The following TBC1D22A variants were observed in gnomAD, a reference collection of about 807,000 sequenced individuals.
The protein encoded by TBC1D22A is putative GTPase activator.
A neutral mutation model predicts 60.2 loss-of-function variants in TBC1D22A; 38 were observed. The ratio of observed to expected loss-of-function variants is 0.63; its 90% CI spans 0.49 to 0.83. TBC1D22A has a LOEUF of 0.83. Ranked by LOEUF, TBC1D22A falls within the 40% of genes least tolerant of loss-of-function variation. TBC1D22A has a pLI of 0.00. For synonymous variants in TBC1D22A, 302 were observed against 281.7 expected, an observed-to-expected ratio of 1.07 and a Z score of -0.72; for missense variants, 628 against 701.0, an observed-to-expected ratio of 0.90 and a Z score of 1.18.
At chr22:46,895,442 C>T (rs975432298) in intron 7 of TBC1D22A, among the ~76,000 whole-genome samples, 2 of 151,970 alleles carry the variant, frequency 1.3e-5, no homozygotes, top group African/African-American at 2.4e-5. Flanking sequence ...GGTATGATCT[C>T]GGCTCACTGC....
At chr22:47,062,087 C>CAAAAAAAAAAAAAAAAA (rs908701365) in intron 11 of TBC1D22A, among the ~76,000 whole-genome samples, 2 of 63,006 alleles carry the variant, frequency 3.2e-5, no homozygotes, top group African/African-American at 1.4e-4. Flanking sequence ...GACTCCATCT[C>CAAAAAAAAAAAAAAAAA]AAAAAAAAAA....
intron 12 of TBC1D22A, among the ~76,000 whole-genome samples, chr22:47,124,085 C>A (rs902704791): frequency 6.6e-6 from 1 of 152,132 alleles, no homozygotes; most frequent in Non-Finnish European, 1.5e-5. Flanking sequence ...TAGGCCTCCC[C>A]GAAGAGGGGT....
At chr22:46,872,907 C>T (rs1020101728) in intron 4 of TBC1D22A, among the ~76,000 whole-genome samples, 20 of 152,108 alleles carry the variant, frequency 1.3e-4, no homozygotes, top group African/African-American at 4.8e-4. Flanking sequence ...CAGTGGGAAT[C>T]GAGTGTTGGA....
At chr22:46,819,218 C>T (rs2085725751) in intron 4 of TBC1D22A, among the ~76,000 whole-genome samples, 1 of 152,134 alleles carries the variant, frequency 6.6e-6, no homozygotes, top group Admixed American at 6.6e-5. Flanking sequence ...TTTGAATACC[C>T]TTTATTTCTT....
chr22:47,036,611 C>G (rs1283826915), intron 10 of TBC1D22A, among the ~76,000 whole-genome samples: 2 of 152,226 alleles, frequency 1.3e-5, no homozygotes, highest in East Asian at 3.9e-4. Context: ...ACGGTTGGGT[C>G]CAGGCATAGG....
intron 10 of TBC1D22A, among the ~76,000 whole-genome samples, chr22:47,035,803 G>A (rs1380669907): frequency 1.3e-5 from 2 of 152,138 alleles, no homozygotes; most frequent in African/African-American, 4.8e-5. Context: ...CGGTCCCACG[G>A]CCCTGAAGTC....
At chr22:46,791,551 A>G (rs2084408250) in intron 1 of TBC1D22A, among the ~76,000 whole-genome samples, 1 of 145,724 alleles carries the variant, frequency 6.9e-6, no homozygotes, top group South Asian at 2.1e-4. Flanking sequence ...TTTTTTTTCC[A>G]GAAAAGTAAA....
intron 8 of TBC1D22A, chr22:46,915,187 A>G (rs892960235): frequency 2.8e-6 from 1 of 352,224 alleles, no homozygotes; most frequent in Admixed American, 3.8e-5. Context: ...TTGAACATTC[A>G]TTCTGGCAGC....
intron 1 of TBC1D22A, among the ~76,000 whole-genome samples, chr22:46,764,761 TG>T (rs1601764829): frequency 6.6e-6 from 1 of 152,082 alleles, no homozygotes; most frequent in African/African-American, 2.4e-5. Context: ...AAACAGAGAT[TG>T]GAATAGTACA....
intron 5 of TBC1D22A, among the ~76,000 whole-genome samples, chr22:46,880,574 C>G (rs1457369846): frequency 6.6e-6 from 1 of 152,092 alleles, no homozygotes; most frequent in Non-Finnish European, 1.5e-5. Flanking sequence ...CACTAGCCTG[C>G]CATTAGGAGG....
intron 1 of TBC1D22A, among the ~76,000 whole-genome samples, chr22:46,775,612 C>T (rs867569554): frequency 1.3e-5 from 2 of 151,968 alleles, no homozygotes; most frequent in East Asian, 1.9e-4. Flanking sequence ...GGCTGTGGGC[C>T]GCATTTTGTT....
chr22:46,804,983 T>C (rs924635688), intron 4 of TBC1D22A, among the ~76,000 whole-genome samples: 1 of 152,214 alleles, frequency 6.6e-6, no homozygotes, highest in African/African-American at 2.4e-5. Flanking sequence ...ATGTGAGGGA[T>C]AGGAGAAGGA....
At chr22:47,127,037 C>T (rs1601597608) in intron 12 of TBC1D22A, among the ~76,000 whole-genome samples, 1 of 152,194 alleles carries the variant, frequency 6.6e-6, no homozygotes, top group Non-Finnish European at 1.5e-5. Flanking sequence ...TGTGCGTGCA[C>T]ACCCACCCAC....
intron 4 of TBC1D22A, among the ~76,000 whole-genome samples, chr22:46,862,493 A>G (rs2087952201): frequency 6.6e-6 from 1 of 152,190 alleles, no homozygotes; most frequent in Non-Finnish European, 1.5e-5. Flanking sequence ...TGGCTTGTCC[A>G]GAGCCTGCAA....
At chr22:47,143,947 C>G (rs914026157) in intron 12 of TBC1D22A, among the ~76,000 whole-genome samples, 4 of 152,210 alleles carry the variant, frequency 2.6e-5, no homozygotes, top group Admixed American at 1.3e-4. Context: ...GCTCCAGCAT[C>G]CTGTGTCCTG....
At chr22:47,040,589 G>A (rs959981971) in intron 11 of TBC1D22A, among the ~76,000 whole-genome samples, 5 of 151,916 alleles carry the variant, frequency 3.3e-5, no homozygotes, top group Non-Finnish European at 7.4e-5. Flanking sequence ...GGAACCTGGG[G>A]AGGGTGATCC....
At chr22:46,971,937 A>G (rs1041717979) in intron 8 of TBC1D22A, among the ~76,000 whole-genome samples, 2 of 152,134 alleles carry the variant, frequency 1.3e-5, no homozygotes, top group Non-Finnish European at 2.9e-5. Context: ...CCCGGCAGGG[A>G]GCCGGTGGGT....
intron 6 of TBC1D22A, among the ~76,000 whole-genome samples, chr22:46,891,885 G>T (rs6007985): frequency 6.6e-6 from 1 of 152,066 alleles, no homozygotes; most frequent in Admixed American, 6.6e-5. Context: ...GTTTTGCAGG[G>T]GACACACTTC....
At chr22:47,031,332 G>A (rs1320142225) in intron 10 of TBC1D22A, among the ~76,000 whole-genome samples, 1 of 152,246 alleles carries the variant, frequency 6.6e-6, no homozygotes, top group East Asian at 1.9e-4. Flanking sequence ...AGCCCCCGGC[G>A]GGCAGAAACA....
Sources: allele counts gnomAD v4.1 joint callset (sites outside exome capture counted in the v4.1 genomes callset), GRCh38; gene constraint gnomAD v4.1.1; transcripts MANE v1.5; gene names NCBI Gene and HGNC (gene_info 2026-07-23, HGNC 2026-07-21).